The following RARB variants were observed in gnomAD, a reference collection of about 807,000 sequenced individuals.
RARB encodes retinoic acid receptor beta.
Under a neutral mutation model 51.9 loss-of-function variants are expected in RARB, and 17 were observed. The ratio of observed to expected loss-of-function variants is 0.33; its 90% CI spans 0.22 to 0.49. RARB has a LOEUF of 0.49. Among genes scored for constraint, RARB ranks in the 20% least tolerant of loss-of-function variants. RARB has a pLI of 0.99. For synonymous variants in RARB, 215 were observed against 195.4 expected, an observed-to-expected ratio of 1.10 and a Z score of -0.84; for missense variants, 369 against 550.8, an observed-to-expected ratio of 0.67 and a Z score of 3.30.
intron 4 of RARB, among the ~76,000 whole-genome samples, chr3:25,159,604 C>T (rs35868307): frequency 0.012 from 1,900 of 152,182 alleles, 16 homozygotes; most frequent in Non-Finnish European, 0.02. Flanking sequence ...TACATTTTAT[C>T]CATATTGCAC....
intron 5 of RARB, among the ~76,000 whole-genome samples, chr3:25,214,759 C>A (rs1701781110): frequency 6.6e-6 from 1 of 152,200 alleles, no homozygotes; most frequent in Non-Finnish European, 1.5e-5. Flanking sequence ...TGCTTCCCAT[C>A]TTTGAGATAA....
At chr3:25,284,749 T>C (rs1445066133) in intron 5 of RARB, among the ~76,000 whole-genome samples, 3 of 152,198 alleles carry the variant, frequency 2.0e-5, no homozygotes, top group Non-Finnish European at 1.5e-5. Flanking sequence ...GAGTTTGAAC[T>C]GCGCAAGTCC....
At chr3:25,166,185 A>G (rs1200763366) in intron 4 of RARB, among the ~76,000 whole-genome samples, 1 of 152,128 alleles carries the variant, frequency 6.6e-6, no homozygotes, top group Non-Finnish European at 1.5e-5. Flanking sequence ...AAGTTTTTCC[A>G]TTACGGCTTC....
chr3:25,463,834 C>A (rs897800539), intron 2 of RARB, among the ~76,000 whole-genome samples: 6 of 152,144 alleles, frequency 3.9e-5, no homozygotes, highest in Non-Finnish European at 5.9e-5. Context: ...CATCTCTCTG[C>A]CTCTGGAATT....
At chr3:25,321,855 T>C (rs1371830723) in intron 5 of RARB, among the ~76,000 whole-genome samples, 1 of 150,184 alleles carries the variant, frequency 6.7e-6, no homozygotes, top group Admixed American at 6.6e-5. Context: ...TTCAATGTGA[T>C]GTTCTCTAAA....
intron 5 of RARB, among the ~76,000 whole-genome samples, chr3:25,236,834 G>C (rs911202224): frequency 6.6e-6 from 1 of 151,708 alleles, no homozygotes. Context: ...TTGAATGTAA[G>C]TATTATTTAT....
At position 25,080,622 on chromosome 3, in the gene RARB, C is replaced by T. The variant is rs151241106; in HGVS notation, c.-328+20446C>T. On this transcript the variant is annotated intron_variant, in intron 3 of 11. Coordinates refer to the RARB transcript ENST00000383772. ...TTTAGCCATCCTACTTGGTGTGATG[C>T]TATAGATCATTGAGGTTTTTATTTC... 6.3e-3 allele frequency among the ~76,000 whole-genome samples: 953 copies of T among 152,248 alleles called. 6 individuals carry two copies. The highest frequency in any genetic ancestry group is 0.021 in the African/African-American group (892 of 41,542).
chr3:24,917,705 T>C (rs1323695430), intron 2 of RARB, among the ~76,000 whole-genome samples: 2 of 152,188 alleles, frequency 1.3e-5, no homozygotes, highest in African/African-American at 4.8e-5. Flanking sequence ...TTCTCTATTT[T>C]TACTAGAGAC....
intron 3 of RARB, among the ~76,000 whole-genome samples, chr3:25,539,959 C>T (rs1192649450): frequency 6.6e-6 from 1 of 152,000 alleles, no homozygotes; most frequent in African/African-American, 2.4e-5. Context: ...GATGCAAACC[C>T]CACATATACA....
intron 4 of RARB, among the ~76,000 whole-genome samples, chr3:25,574,914 G>C (rs193138298): frequency 3.3e-5 from 5 of 152,038 alleles, no homozygotes; most frequent in Non-Finnish European, 5.9e-5. Flanking sequence ...GGTCAGTGGG[G>C]GCCACGAAAC....
At chr3:25,190,608 G>C (rs957104297) in intron 5 of RARB, among the ~76,000 whole-genome samples, 1 of 152,056 alleles carries the variant, frequency 6.6e-6, no homozygotes, top group Non-Finnish European at 1.5e-5. Context: ...AGACTGCCAG[G>C]TGATTCCTTG....
chr3:25,513,939 T>A (rs940423405), intron 3 of RARB, among the ~76,000 whole-genome samples: 1 of 152,208 alleles, frequency 6.6e-6, no homozygotes, highest in Non-Finnish European at 1.5e-5. Context: ...CTGCTTTAAA[T>A]AGACATTGAT....
chr3:25,036,036 T>G (rs926713754), intron 2 of RARB, among the ~76,000 whole-genome samples: 5 of 152,190 alleles, frequency 3.3e-5, no homozygotes, highest in African/African-American at 1.2e-4. Flanking sequence ...AAATTTCATG[T>G]AGTTTAACCC....
chr3:25,079,823 T>C (rs1317096971), intron 3 of RARB, among the ~76,000 whole-genome samples: 2 of 152,220 alleles, frequency 1.3e-5, no homozygotes, highest in South Asian at 2.1e-4. Context: ...GGGATGTTAG[T>C]CTAAATTTTT....
intron 3 of RARB, among the ~76,000 whole-genome samples, chr3:25,125,799 G>C (rs1416371760): frequency 1.8e-4 from 28 of 152,156 alleles, no homozygotes; most frequent in Admixed American, 1.8e-3. Context: ...TTGTTGATTT[G>C]AATTGAACTT....
intron 2 of RARB, among the ~76,000 whole-genome samples, chr3:24,956,585 T>C (rs954636754): frequency 5.9e-5 from 9 of 152,194 alleles, no homozygotes; most frequent in African/African-American, 1.9e-4. Context: ...CCAGACACAT[T>C]TGTGGCTTGA....
intron 3 of RARB, among the ~76,000 whole-genome samples, chr3:25,101,988 G>A (rs961197453): frequency 6.6e-6 from 1 of 152,102 alleles, no homozygotes; most frequent in East Asian, 1.9e-4. Flanking sequence ...AATGATGTCT[G>A]TTGTAAGCAT....
intron 5 of RARB, among the ~76,000 whole-genome samples, chr3:25,333,309 G>A (rs1172987417): frequency 2.0e-5 from 3 of 152,126 alleles, no homozygotes; most frequent in Non-Finnish European, 2.9e-5. Context: ...AAACAGCATG[G>A]TACTGGTACC....
chr3:25,490,923 G>A (rs964788103), intron 2 of RARB, among the ~76,000 whole-genome samples: 1 of 152,114 alleles, frequency 6.6e-6, no homozygotes, highest in African/African-American at 2.4e-5. Context: ...GCGAAATCTT[G>A]CATTTTAGAG....
Sources: gnomAD v4.1 joint callset for allele counts (sites outside exome capture counted in the v4.1 genomes callset) on GRCh38, gnomAD v4.1.1 for gene constraint, MANE v1.5 for transcripts, NCBI Gene and HGNC (gene_info 2026-07-23, HGNC 2026-07-21) for gene names.